FBN1: variants seen among roughly 807,000 people sequenced by gnomAD.
The protein encoded by FBN1 is fibrillin-1.
Under a neutral mutation model 365.1 loss-of-function variants are expected in FBN1, and 29 were observed. The ratio of observed to expected loss-of-function variants is 0.08; its 90% CI spans 0.06 to 0.11. The LOEUF is 0.11. Among genes scored for constraint, FBN1 ranks in the 10% least tolerant of loss-of-function variants. The probability of loss-of-function intolerance (pLI) is 1.00; values close to 1 mark genes in which losing one functional copy is unlikely to be tolerated. For missense variants in FBN1, 2,476 were observed against 3,703.2 expected (o/e 0.67, Z 8.60); for synonymous variants, 1,210 against 1,270.5 (o/e 0.95, Z 1.01).
chr15:48,408,473 A>G lies in FBN1; in HGVS notation c.*2517T>C, dbSNP rs2042835715. 1 of 152,682 alleles carries G rather than the reference A, an allele frequency of 6.5e-6. No individual in the cohort carries two copies. The highest frequency in any genetic ancestry group is 1.5e-5 in the Non-Finnish European group (1 of 68,050). The allele number at this position is 152,682 out of a possible 1,614,324, so 9.5% of individuals were successfully genotyped here. A position where few individuals can be genotyped will look rare whatever the true frequency, so the allele number is the denominator to read the frequency against. Reference sequence around the variant, plus strand: ...TTTGTGCAAGTTTAAACATTTCACAAGGCCAGCTGAGTTCATTTCAACCCT... The same window carrying G: ...TTTGTGCAAGTTTAAACATTTCACAGGGCCAGCTGAGTTCATTTCAACCCT... On this transcript the variant is annotated 3_prime_UTR_variant, in exon 66 of 66. Coordinates refer to ENST00000316623, the MANE Select transcript of FBN1 (RefSeq NM_000138.5).
chr15:48,444,657 A>G lies in FBN1; in HGVS notation c.5921T>C (p.Ile1974Thr), dbSNP rs765878996. 71 of 1,613,314 alleles carry G rather than the reference A, an allele frequency of 4.4e-5. No homozygotes were observed. Among genetic ancestry groups the G allele is most frequent in the Non-Finnish European group, 5.3e-5 (63 of 1,179,586 alleles). ...TCTGGGTTCTAGAAGACATTCATTG[A>G]TATCTGCAAAGAAAAGGGAAAAATA... The part of the protein sequence containing the change: ...VAPDGRTCVD[I>T]NECLLEPRKC... The change falls in exon 49 of 66, where the codon ATC (isoleucine) becomes ACC (threonine). Residue 1974 changes from isoleucine to threonine, a missense_variant. Ile to Thr is a moderately conservative substitution (Grantham distance 89). This residue lies in a region of FBN1 where 1,780 missense variants were observed against 2,840.8 expected (regional missense o/e 0.63). Coordinates refer to ENST00000316623, the MANE Select transcript of FBN1 (RefSeq NM_000138.5).
intron 1 of FBN1, among the ~76,000 whole-genome samples, chr15:48,645,322 C>T (rs1189008097): frequency 2.0e-5 from 3 of 152,238 alleles, no homozygotes; most frequent in Non-Finnish European, 4.4e-5. Context: ...TGGAAGCCAG[C>T]CGCGCCGTCC....
chr15:48,599,860 T>G (rs557752838), intron 5 of FBN1, among the ~76,000 whole-genome samples: 19 of 152,276 alleles, frequency 1.2e-4, no homozygotes, highest in African/African-American at 4.6e-4. Flanking sequence ...TTCTGCTCCT[T>G]TGGTGGTGAC....
chr15:48,604,482 C>G (rs1391361566), intron 4 of FBN1, among the ~76,000 whole-genome samples: 2 of 152,140 alleles, frequency 1.3e-5, no homozygotes, highest in Admixed American at 6.5e-5. Flanking sequence ...CTTAAGTGAA[C>G]AGATGTCTGG....
intron 6 of FBN1, among the ~76,000 whole-genome samples, chr15:48,564,766 A>C (rs972418908): frequency 1.3e-5 from 2 of 152,184 alleles, no homozygotes; most frequent in Admixed American, 1.3e-4. Context: ...CCAAACTTTT[A>C]GTGGTTGGTA....
rs1015472967 is a variant in FBN1, at chr15:48,607,308, C to A, written c.346+3420G>T. 2.0e-5 allele frequency among the ~76,000 whole-genome samples: 3 copies of A among 149,378 alleles called. No individual in the cohort carries two copies. The East Asian group carries it at 5.8e-4, about 29-fold the overall frequency. ...ATAAACTATAGGAAACAACTTTTAT[C>A]ATGTATCATATATAATTATATATAT... On this transcript the variant is annotated intron_variant, in intron 4 of 65. Coordinates refer to ENST00000316623, the MANE Select transcript of FBN1 (RefSeq NM_000138.5).
chr15:48,489,798 T>G, intron 25 of FBN1, 53 bp downstream of exon 25: 1 of 1,389,922 alleles, frequency 7.2e-7, no homozygotes, highest in Non-Finnish European at 1.0e-6. Flanking sequence ...TGAAAATGCA[T>G]CCTATTTGTC....
intron 6 of FBN1, among the ~76,000 whole-genome samples, chr15:48,563,030 T>A (rs567879927): frequency 4.1e-4 from 63 of 152,292 alleles, no homozygotes; most frequent in African/African-American, 1.5e-3. Flanking sequence ...ACAGACTATG[T>A]CTTCAATAGA....
chr15:48,411,083 T>C lies in FBN1; in HGVS notation c.8523A>G (p.Glu2841=). The stretch of plus-strand genomic sequence containing the variant: ...CATATTTGTCTTCTAGTTGGTTAAG[T>C]TCTTTCTTTTTATAAAGTGGAGTAC... ...ISSTPLYKKK[E]LNQLEDKYDK... The change falls in exon 66 of 66, where the codon GAA becomes GAG. Residue 2841 remains glutamate, a synonymous_variant. Coordinates refer to ENST00000316623, the MANE Select transcript of FBN1 (RefSeq NM_000138.5). 1 of 1,614,052 alleles carries C rather than the reference T, an allele frequency of 6.2e-7. No homozygotes were observed. The highest frequency in any genetic ancestry group is 8.5e-7 in the Non-Finnish European group (1 of 1,179,976).
chr15:48,447,775 T>C (rs1222048194), intron 46 of FBN1, among the ~76,000 whole-genome samples: 1 of 152,180 alleles, frequency 6.6e-6, no homozygotes, highest in Non-Finnish European at 1.5e-5. Context: ...TGATCTGTGA[T>C]TCCTGAATCA....
chr15:48,495,490 G>T lies in FBN1; in HGVS notation c.2518C>A (p.Pro840Thr). ...CECSSESTLD[P>T]TKTICIETIK... ...ATACCTATGCAGATGGTTTTTGTTGGATCCAAAGTACTTTCAGAAGAACAT... is the reference window on the plus strand; with the variant it reads ...ATACCTATGCAGATGGTTTTTGTTGTATCCAAAGTACTTTCAGAAGAACAT... Residue 840 changes from proline (P) to threonine (T), a missense_variant, in exon 21 of 66, where the codon CCA becomes ACA. Pro to Thr is a conservative substitution (Grantham distance 38, BLOSUM62 -1). Transcript: ENST00000316623. 1 of 1,613,918 alleles carries T rather than the reference G, an allele frequency of 6.2e-7. No homozygotes were observed.
At chr15:48,420,918 A>C (rs993515585) in intron 62 of FBN1, 112 bp from the exon 63 acceptor site, 6 of 1,221,084 alleles carry the variant, frequency 4.9e-6, no homozygotes, top group African/African-American at 4.5e-5. Context: ...TTCTACCACC[A>C]AAAACTTCAA....
chr15:48,641,995 G>A (rs1890206209), intron 2 of FBN1: 1 of 152,182 alleles, frequency 6.6e-6, no homozygotes, highest in Admixed American at 6.5e-5. Context: ...TGTAAACACA[G>A]GTATGCAGAA....
chr15:48,512,766 G>GT (rs371503564), intron 13 of FBN1, among the ~76,000 whole-genome samples: 1,764 of 146,418 alleles, frequency 0.012, 11 homozygotes, highest in Non-Finnish European at 0.014. Context: ...GTATTTGCCT[G>GT]TTTTTTTTTT....
Position 48,495,586 on chromosome 15 carries a change from T to G in FBN1, c.2422A>C (p.Ile808Leu). Residue 808 changes from isoleucine to leucine, a missense_variant and splice_region_variant, in exon 21 of 66, where the codon ATT becomes CTT. By Grantham distance (5) the Ile-to-Leu change is conservative. Coordinates refer to ENST00000316623, the MANE Select transcript of FBN1 (RefSeq NM_000138.5). Reference sequence around the variant, plus strand: ...CAAGGACTTGATTCGCATTCATCAATGTCTGAAACAAAAACAGGTCTACAT... The same window carrying G: ...CAAGGACTTGATTCGCATTCATCAAGGTCTGAAACAAAAACAGGTCTACAT... Reference protein sequence around the residue: ...YKPDLKTCEDIDECESSPCIN... With the variant: ...YKPDLKTCEDLDECESSPCIN... The G allele has an allele frequency of 6.2e-7, 1 of 1,614,110 alleles. No individual in the cohort carries two copies. The highest frequency in any genetic ancestry group is 8.5e-7 in the Non-Finnish European group (1 of 1,180,008).
intron 43 of FBN1, among the ~76,000 whole-genome samples, chr15:48,459,158 C>A (rs1195493733): frequency 1.3e-5 from 2 of 152,218 alleles, no homozygotes; most frequent in Admixed American, 1.3e-4. Flanking sequence ...TACTGCCAAA[C>A]TTGGAGGGCA....
intron 14 of FBN1, among the ~76,000 whole-genome samples, chr15:48,508,951 T>A (rs1340792033): frequency 6.6e-6 from 1 of 152,200 alleles, no homozygotes; most frequent in Admixed American, 6.5e-5. Context: ...GGTATATCTA[T>A]TTATAAAATT....
chr15:48,561,575 T>C (rs2044222528), intron 6 of FBN1, among the ~76,000 whole-genome samples: 1 of 152,158 alleles, frequency 6.6e-6, no homozygotes, highest in Non-Finnish European at 1.5e-5. Flanking sequence ...TAAATATCAA[T>C]TCAAGCTCCA....
rs1301371837 is a variant in FBN1, at chr15:48,600,227, G to A, written c.354C>T (p.His118=). 3 of 1,612,992 alleles carry A rather than the reference G, an allele frequency of 1.9e-6. No homozygotes were observed. The African/African-American group carries it at 4.0e-5, about 22-fold the overall frequency. The change falls in exon 5 of 66, where the codon CAC becomes CAT. Residue 118 remains histidine (H), a synonymous_variant. Transcript: ENST00000316623. ...APSCGSRSIQ[H]CNIRCMNGGS... is the part of the protein sequence containing the mutation. ...CTCCATTCATACAGCGAATATTGCAGTGTTGTACTTGAAAAAAAAGAAGAA... is the reference window on the plus strand; with the variant it reads ...CTCCATTCATACAGCGAATATTGCAATGTTGTACTTGAAAAAAAAGAAGAA...
Sources: gnomAD v4.1 joint callset for allele counts (sites outside exome capture counted in the v4.1 genomes callset) on GRCh38, gnomAD v4.1.1 for gene constraint, gnomAD v4.1.1 regional missense constraint, MANE v1.5 for transcripts, NCBI Gene and HGNC (gene_info 2026-07-23, HGNC 2026-07-21) for gene names.